The following TMEM132D variants were observed in gnomAD, a reference collection of about 807,000 sequenced individuals.
The protein encoded by TMEM132D is mature OL transmembrane protein.
A neutral mutation model predicts 62.3 loss-of-function variants in TMEM132D; 21 were observed. The observed-to-expected ratio is 0.34, with a 90% CI of 0.24 to 0.49. TMEM132D has a LOEUF of 0.49. Ranked by LOEUF, TMEM132D falls within the 20% of genes least tolerant of loss-of-function variation. The pLI is 0.99. For missense variants in TMEM132D, 1,346 were observed against 1,402.8 expected (o/e 0.96, Z 0.65); for synonymous variants, 621 against 575.6 (o/e 1.08, Z -1.13).
At chr12:129,839,374 C>G (rs1408524699) in intron 1 of TMEM132D, among the ~76,000 whole-genome samples, 1 of 151,634 alleles carries the variant, frequency 6.6e-6, no homozygotes, top group African/African-American at 2.4e-5. Context: ...GATCCGCCTG[C>G]CTCGGCCTCC....
chr12:129,456,066 A>T lies in TMEM132D; in HGVS notation c.1115+74993T>A, dbSNP rs571289623. On this transcript the variant is annotated intron_variant, in intron 3 of 8. Transcript: ENST00000422113. ...CAGACAGAACCATGTGACCGGGTGG[A>T]TGGGCAGGTAGGATATTGGAGAAGT... is the stretch of plus-strand genomic sequence containing the variant. Among the ~76,000 whole-genome samples the T allele has an allele frequency of 2.6e-5, 4 of 152,292 alleles. No homozygotes were observed. The East Asian group carries it at 7.7e-4, about 29-fold the overall frequency.
intron 1 of TMEM132D, among the ~76,000 whole-genome samples, chr12:129,740,182 G>A (rs1869555303): frequency 6.6e-6 from 1 of 152,124 alleles, no homozygotes; most frequent in South Asian, 2.1e-4. Flanking sequence ...GTTGTAATCA[G>A]CCCCATCATC....
intron 1 of TMEM132D, among the ~76,000 whole-genome samples, chr12:129,874,539 C>T (rs554773593): frequency 1.4e-4 from 21 of 149,540 alleles, no homozygotes; most frequent in African/African-American, 5.1e-4. Context: ...TCATGTCATC[C>T]TCTTTAAATA....
In TMEM132D at chr12:129,074,169, A is replaced by G. The variant is rs773956539; in HGVS notation, c.3006T>C (p.Tyr1002=). ...DRGMDFEESK[Y]LLSTNSQKSI... ...TTTTTTGGGAGTTTGTGCTGAGGAGATATTTACTTTCCTCGAAATCCATGC... is the reference window on the plus strand; with the variant it reads ...TTTTTTGGGAGTTTGTGCTGAGGAGGTATTTACTTTCCTCGAAATCCATGC... The change falls in exon 9 of 9, where the codon TAT becomes TAC. Residue 1002 remains tyrosine, a synonymous_variant. Transcript: ENST00000422113. The G allele has an allele frequency of 1.9e-6, 3 of 1,613,622 alleles. No homozygotes were observed. The highest frequency in any genetic ancestry group is 1.1e-5 in the South Asian group (1 of 91,034).
chr12:129,147,529 T>C (rs937376230), intron 5 of TMEM132D, among the ~76,000 whole-genome samples: 3 of 152,148 alleles, frequency 2.0e-5, no homozygotes, highest in Non-Finnish European at 4.4e-5. Context: ...CATTCCTCCA[T>C]CCAGTTTCCA....
intron 5 of TMEM132D, among the ~76,000 whole-genome samples, chr12:129,191,451 G>A (rs1450982703): frequency 2.7e-5 from 4 of 145,798 alleles, no homozygotes; most frequent in African/African-American, 1.1e-4. Context: ...TTTCTATGGA[G>A]GAAACTATAT....
chr12:129,318,171 C>T (rs917476579), intron 4 of TMEM132D, among the ~76,000 whole-genome samples: 2 of 152,086 alleles, frequency 1.3e-5, no homozygotes, highest in Non-Finnish European at 2.9e-5. Context: ...TGGTTTGGAT[C>T]CATTGCTGGT....
chr12:129,091,340 A>G (rs1204225048), intron 5 of TMEM132D, among the ~76,000 whole-genome samples: 1 of 151,114 alleles, frequency 6.6e-6, no homozygotes, highest in Non-Finnish European at 1.5e-5. Context: ...GACCTTACCT[A>G]TCCTCACCTG....
At chr12:129,734,763 A>G (rs1869366196) in intron 1 of TMEM132D, among the ~76,000 whole-genome samples, 1 of 152,196 alleles carries the variant, frequency 6.6e-6, no homozygotes, top group Non-Finnish European at 1.5e-5. Context: ...GTTAAACTCT[A>G]AAGTATTGGA....
chr12:129,746,523 G>A (rs74472596), intron 1 of TMEM132D, among the ~76,000 whole-genome samples: 2,538 of 152,214 alleles, frequency 0.017, 61 homozygotes, highest in African/African-American at 0.058. Flanking sequence ...GTCAGGCGTG[G>A]GGGTGGCCAG....
At chr12:129,316,358 C>G (rs1390953346) in intron 4 of TMEM132D, among the ~76,000 whole-genome samples, 1 of 152,060 alleles carries the variant, frequency 6.6e-6, no homozygotes, top group East Asian at 1.9e-4. Flanking sequence ...TATTGTCATT[C>G]GGTTTGAAGA....
At chr12:129,537,174 A>AAAAAAT (rs1876419249) in intron 2 of TMEM132D, among the ~76,000 whole-genome samples, 1 of 151,278 alleles carries the variant, frequency 6.6e-6, no homozygotes, top group Non-Finnish European at 1.5e-5. Context: ...AAAAAAAAAA[A>AAAAAAT]TTCATATGCA....
intron 4 of TMEM132D, chr12:129,212,200 T>C (rs532812857): frequency 7.2e-5 from 11 of 152,324 alleles, no homozygotes; most frequent in Admixed American, 5.2e-4. Flanking sequence ...TTCAGGTTAA[T>C]ATAATGAGAA....
chr12:129,862,328 C>A lies in TMEM132D; in HGVS notation c.79+40933G>T, dbSNP rs1029143623. On this transcript the variant is annotated intron_variant, in intron 1 of 8. Transcript: ENST00000422113. ...AAACCTCAAACTTCGGGAAATTAATCCTTGCTGGGGCTGGCTGAGGATTTC... is the reference window on the plus strand; with the variant it reads ...AAACCTCAAACTTCGGGAAATTAATACTTGCTGGGGCTGGCTGAGGATTTC... 5.3e-5 allele frequency among the ~76,000 whole-genome samples: 8 copies of A among 152,366 alleles called. No individual in the cohort carries two copies. The East Asian group carries it at 1.4e-3, about 26-fold the overall frequency.
chr12:129,564,258 C>G (rs1277055069), intron 2 of TMEM132D, among the ~76,000 whole-genome samples: 2 of 152,174 alleles, frequency 1.3e-5, no homozygotes, highest in Non-Finnish European at 2.9e-5. Context: ...CTTGTCAAGT[C>G]TATTAAAACA....
intron 2 of TMEM132D, among the ~76,000 whole-genome samples, chr12:129,681,079 C>T (rs922424989): frequency 6.6e-6 from 1 of 152,148 alleles, no homozygotes; most frequent in Non-Finnish European, 1.5e-5. Flanking sequence ...ATGTAGATTG[C>T]AGAGGTGTAC....
intron 4 of TMEM132D, among the ~76,000 whole-genome samples, chr12:129,302,106 C>T (rs1881729569): frequency 6.6e-6 from 1 of 152,152 alleles, no homozygotes; most frequent in South Asian, 2.1e-4. Flanking sequence ...CCAGGCTTGT[C>T]TGCCACTTTA....
chr12:129,582,391 G>C (rs750470716), intron 2 of TMEM132D, among the ~76,000 whole-genome samples: 8 of 152,164 alleles, frequency 5.3e-5, no homozygotes, highest in Non-Finnish European at 1.0e-4. Flanking sequence ...TGGGGTCACA[G>C]ACCCAGGGTT....
chr12:129,488,166 C>A (rs1874647918), intron 3 of TMEM132D, among the ~76,000 whole-genome samples: 1 of 151,988 alleles, frequency 6.6e-6, no homozygotes, highest in African/African-American at 2.4e-5. Context: ...CCAGAACACT[C>A]AGAAATAAGT....
Sources: gnomAD v4.1 joint callset for allele counts (sites outside exome capture counted in the v4.1 genomes callset) on GRCh38, gnomAD v4.1.1 for gene constraint, MANE v1.5 for transcripts, NCBI Gene and HGNC (gene_info 2026-07-23, HGNC 2026-07-21) for gene names.